The following ADSS2 variants were observed in gnomAD, a reference collection of about 807,000 sequenced individuals.
ADSS2 encodes the protein adenylosuccinate synthase 2.
In ADSS2, 30 loss-of-function variants were observed where a neutral mutation model predicts 60.0. The ratio of observed to expected loss-of-function variants is 0.50; its 90% confidence interval spans 0.37 to 0.68. The LOEUF (loss-of-function observed/expected upper bound fraction) is 0.68, where lower values mean the gene tolerates loss of function less well. Among genes scored for constraint, ADSS2 ranks in the 30% least tolerant of loss-of-function variants. The pLI is 0.00. For synonymous variants in ADSS2, 187 were observed against 193.1 expected, an observed-to-expected ratio of 0.97 and a Z score of 0.26; for missense variants, 373 against 554.8, an observed-to-expected ratio of 0.67 and a Z score of 3.29.
At chr1:244,412,437 C>T (rs1325119296) in intron 11 of ADSS2, among the ~76,000 whole-genome samples, 1 of 152,168 alleles carries the variant, frequency 6.6e-6, no homozygotes, top group African/African-American at 2.4e-5. Context: ...GGCAGAATCA[C>T]TGGCTAGCTG....
chr1:244,423,650 G>C (rs1436927599), intron 6 of ADSS2, among the ~76,000 whole-genome samples: 2 of 152,070 alleles, frequency 1.3e-5, no homozygotes, highest in Non-Finnish European at 2.9e-5. Flanking sequence ...CCCAAGGACA[G>C]CCACAGCCCC....
intron 1 of ADSS2, among the ~76,000 whole-genome samples, chr1:244,438,537 T>C (rs1007319936): frequency 6.6e-6 from 1 of 152,184 alleles, no homozygotes; most frequent in Non-Finnish European, 1.5e-5. Flanking sequence ...CAGATAACTT[T>C]TCTAAGTTTA....
chr1:244,451,632 C>G lies in ADSS2; in HGVS notation c.183+3G>C, dbSNP rs1192787325. The G allele has an allele frequency of 1.9e-6, 3 of 1,607,892 alleles. No individual in the cohort carries two copies. The highest frequency in any genetic ancestry group is 2.5e-6 in the Non-Finnish European group (3 of 1,177,012). Reference sequence around the variant, plus strand: ...CTTCCCATGAGAGGCCCCGTCGCCTCACCTGGCAGCGGCACACGATGTCGG... The same window carrying G: ...CTTCCCATGAGAGGCCCCGTCGCCTGACCTGGCAGCGGCACACGATGTCGG... On this transcript the variant is annotated splice_donor_region_variant and intron_variant, in intron 1 of 12. Transcript: ENST00000366535. The surrounding 1 kb of genome is among the most constrained non-coding windows in gnomAD (Gnocchi z 6.6).
intron 1 of ADSS2, among the ~76,000 whole-genome samples, chr1:244,439,712 C>T (rs920826726): frequency 6.6e-6 from 1 of 152,218 alleles, no homozygotes; most frequent in Admixed American, 6.5e-5. Flanking sequence ...CAGCACAACA[C>T]CAGGACTTGC....
At chr1:244,446,781 G>A (rs1665402638) in intron 1 of ADSS2, among the ~76,000 whole-genome samples, 2 of 152,088 alleles carry the variant, frequency 1.3e-5, no homozygotes, top group Non-Finnish European at 2.9e-5. Flanking sequence ...AACCAACGAT[G>A]TCACACAGCT....
intron 8 of ADSS2, 150 bp from the exon 9 acceptor site, chr1:244,419,064 T>G: frequency 2.8e-6 from 2 of 720,578 alleles, no homozygotes; most frequent in Admixed American, 7.0e-5. Flanking sequence ...AGTGTTTTAC[T>G]TTTTATTCAT....
At chr1:244,433,610 C>T (rs1481330889) in intron 3 of ADSS2, among the ~76,000 whole-genome samples, 1 of 152,148 alleles carries the variant, frequency 6.6e-6, no homozygotes, top group Non-Finnish European at 1.5e-5. Flanking sequence ...GTAATCCCAG[C>T]ACTTTGGGAG....
intron 4 of ADSS2, among the ~76,000 whole-genome samples, chr1:244,429,663 T>C (rs1212744447): frequency 6.6e-6 from 1 of 152,172 alleles, no homozygotes; most frequent in African/African-American, 2.4e-5. Context: ...GTGGATCATT[T>C]GAGGTCAGGA....
chr1:244,421,247 A>G (rs1664669260), intron 7 of ADSS2, among the ~76,000 whole-genome samples: 1 of 152,224 alleles, frequency 6.6e-6, no homozygotes, highest in Non-Finnish European at 1.5e-5. Context: ...TTAACTTCAG[A>G]ACTCAATTAA....
chr1:244,448,488 A>G (rs1665448206), intron 1 of ADSS2, among the ~76,000 whole-genome samples: 1 of 152,188 alleles, frequency 6.6e-6, no homozygotes, highest in South Asian at 2.1e-4. Flanking sequence ...CCTTGGAGAG[A>G]ATACACACGG....
chr1:244,412,576 G>C (rs1208115831), intron 11 of ADSS2, among the ~76,000 whole-genome samples: 2 of 152,156 alleles, frequency 1.3e-5, no homozygotes, highest in African/African-American at 2.4e-5. Flanking sequence ...TCACGAACTG[G>C]AGAAAGATAA....
At position 244,450,884 on chromosome 1, in the gene ADSS2, C is replaced by T. The variant is rs555239967; in HGVS notation, c.183+751G>A. Reference sequence around the variant, plus strand: ...ATTTATTTCCAAATACTCAATTTGACATCCATGTATTTACTTCCCTCACTT... The same window carrying T: ...ATTTATTTCCAAATACTCAATTTGATATCCATGTATTTACTTCCCTCACTT... On this transcript the variant is annotated intron_variant, in intron 1 of 12. Transcript: ENST00000366535. 2.7e-3 allele frequency among the ~76,000 whole-genome samples: 414 copies of T among 152,334 alleles called. 1 individual carries two copies. The highest frequency in any genetic ancestry group is 4.6e-3 in the Non-Finnish European group (310 of 68,012).
intron 10 of ADSS2, among the ~76,000 whole-genome samples, chr1:244,416,413 G>A (rs1287237788): frequency 6.6e-6 from 1 of 152,138 alleles, no homozygotes; most frequent in African/African-American, 2.4e-5. Flanking sequence ...AACCTCCCGG[G>A]CTCAAGCAAT....
rs1339485198 is a variant in ADSS2 at position 244,432,437 on chromosome 1, T to C, written c.406+108A>G. On this transcript the variant is annotated intron_variant, in intron 4 of 12. Coordinates refer to ENST00000366535, the MANE Select transcript of ADSS2 (RefSeq NM_001126.5). ...AGAACTCAATTACTACAATCCATCC[T>C]ACTTACGCTAAATAAAAATAAAAGA... 3.7e-6 allele frequency: 3 copies of C among 801,998 alleles called. No homozygotes were observed. The Admixed American group carries it at 8.4e-5, about 22-fold the overall frequency. The allele number at this position is 801,998 out of a possible 1,614,324, so 49.7% of individuals were successfully genotyped here. A position where few individuals can be genotyped will look rare whatever the true frequency, so the allele number is the denominator to read the frequency against.
At chr1:244,420,690 C>T (rs900112077) in intron 7 of ADSS2, among the ~76,000 whole-genome samples, 1 of 152,096 alleles carries the variant, frequency 6.6e-6, no homozygotes, top group Admixed American at 6.5e-5. Context: ...ATATAATCCA[C>T]AAAACCATAA....
intron 6 of ADSS2, among the ~76,000 whole-genome samples, chr1:244,423,276 T>C (rs3127458): frequency 0.22 from 34,159 of 152,156 alleles, 4,202 homozygotes; most frequent in Middle Eastern, 0.31. Flanking sequence ...ATGATACTTC[T>C]AAAAGAGAGA....
intron 3 of ADSS2, among the ~76,000 whole-genome samples, chr1:244,435,188 A>C (rs981890943): frequency 6.7e-6 from 1 of 150,068 alleles, no homozygotes; most frequent in Non-Finnish European, 1.5e-5. Flanking sequence ...AAAAAAAAAA[A>C]AAAAAAAAAC....
chr1:244,425,813 C>T (rs1324800111), intron 4 of ADSS2, among the ~76,000 whole-genome samples: 1 of 152,040 alleles, frequency 6.6e-6, no homozygotes, highest in Non-Finnish European at 1.5e-5. Context: ...CAGTATCTGT[C>T]TTAGTGCCAC....
Position 244,448,280 on chromosome 1 carries a change from C to G in ADSS2, c.183+3355G>C, listed in dbSNP as rs1049596998. 2.6e-5 allele frequency among the ~76,000 whole-genome samples: 4 copies of G among 152,238 alleles called. No individual in the cohort carries two copies. The East Asian group carries it at 7.7e-4, about 29-fold the overall frequency. On this transcript the variant is annotated intron_variant, in intron 1 of 12. Transcript: ENST00000366535. ...TCAAGGAGAAAGTTTTAGTTTGCTGCTGATATGTCTTTTATGCTTCTTTAA... is the reference window on the plus strand; with the variant it reads ...TCAAGGAGAAAGTTTTAGTTTGCTGGTGATATGTCTTTTATGCTTCTTTAA...
Sources: gnomAD v4.1 joint callset for allele counts (sites outside exome capture counted in the v4.1 genomes callset) on GRCh38, gnomAD v4.1.1 for gene constraint, Gnocchi (gnomAD v3.1) non-coding constraint, MANE v1.5 for transcripts, NCBI Gene and HGNC (gene_info 2026-07-23, HGNC 2026-07-21) for gene names.